Variants in GPBP1 observed in about 807,000 individuals in gnomAD.
The protein encoded by GPBP1 is vasculin.
In GPBP1, 13 loss-of-function variants were observed where a neutral mutation model predicts 56.5. The observed-to-expected ratio is 0.23, with a 90% CI of 0.15 to 0.37. GPBP1 has a LOEUF of 0.37. GPBP1 is among the 10% of genes least tolerant of loss of function. GPBP1 has a pLI of 1.00. For missense variants in GPBP1, 477 were observed against 572.3 expected (o/e 0.83, Z 1.70); for synonymous variants, 204 against 188.9 (o/e 1.08, Z -0.66).
At chr5:57,243,044 C>T (rs1032322885) in intron 6 of GPBP1, among the ~76,000 whole-genome samples, 6 of 150,370 alleles carry the variant, frequency 4.0e-5, no homozygotes, top group Non-Finnish European at 3.0e-5. Flanking sequence ...CCACTGCGCC[C>T]GGCCTAATAT....
chr5:57,238,410 T>C (rs1433007498), intron 6 of GPBP1, among the ~76,000 whole-genome samples: 2 of 152,018 alleles, frequency 1.3e-5, no homozygotes, highest in Non-Finnish European at 2.9e-5. Flanking sequence ...AATAAAGAAT[T>C]AGCCGGGTGT....
chr5:57,220,051 C>CAAA (rs34443889), intron 3 of GPBP1, among the ~76,000 whole-genome samples: 1 of 80,056 alleles, frequency 1.2e-5, no homozygotes. Flanking sequence ...GACCCTGTCT[C>CAAA]AAAAAAAAAA....
chr5:57,182,247 C>T (rs966258267), intron 2 of GPBP1, among the ~76,000 whole-genome samples: 2 of 152,006 alleles, frequency 1.3e-5, no homozygotes, highest in Admixed American at 6.6e-5. Context: ...TCAGGCCTGG[C>T]TAAGTTTTGT....
chr5:57,216,869 T>TTTTTTTTTTGGAACGC (rs1491547287), intron 3 of GPBP1, among the ~76,000 whole-genome samples: 1 of 11,380 alleles, frequency 8.8e-5, no homozygotes, highest in Non-Finnish European at 1.6e-4. Context: ...TCTGGAACGC[T>TTTTTTTTTTGGAACGC]TTTTTTTTTT....
At chr5:57,235,802 A>G (rs181460563) in intron 5 of GPBP1, among the ~76,000 whole-genome samples, 164 bp from the exon 6 acceptor site, 219 of 152,308 alleles carry the variant, frequency 1.4e-3, no homozygotes, top group African/African-American at 5.1e-3. Flanking sequence ...TGACACTGGC[A>G]CTCAAAAAGT....
intron 2 of GPBP1, among the ~76,000 whole-genome samples, chr5:57,213,822 T>G (rs1561343794): frequency 6.6e-6 from 1 of 152,224 alleles, no homozygotes; most frequent in Non-Finnish European, 1.5e-5. Context: ...AATTTGAGGT[T>G]TGACAAATGT....
chr5:57,213,232 G>A (rs1464454883), intron 2 of GPBP1, among the ~76,000 whole-genome samples: 2 of 151,844 alleles, frequency 1.3e-5, no homozygotes, highest in Admixed American at 6.6e-5. Flanking sequence ...TTTTATTTTA[G>A]TAGAGATGGG....
intron 3 of GPBP1, among the ~76,000 whole-genome samples, chr5:57,222,548 C>T (rs578004313): frequency 1.4e-4 from 21 of 151,968 alleles, no homozygotes; most frequent in Non-Finnish European, 2.8e-4. Context: ...AGGATACCAT[C>T]TCTAGTATCT....
chr5:57,253,770 C>T (rs1213404064), intron 10 of GPBP1, among the ~76,000 whole-genome samples: 2 of 151,088 alleles, frequency 1.3e-5, no homozygotes, highest in Non-Finnish European at 2.9e-5. Flanking sequence ...TGGCTGCCCC[C>T]TTAAAAACAA....
intron 10 of GPBP1, among the ~76,000 whole-genome samples, chr5:57,255,730 C>A (rs1741628200): frequency 6.6e-6 from 1 of 152,126 alleles, no homozygotes; most frequent in Non-Finnish European, 1.5e-5. Context: ...TTGGCCCATA[C>A]CTTTAGAAAA....
chr5:57,191,622 T>C (rs1420731093), intron 2 of GPBP1, among the ~76,000 whole-genome samples: 1 of 151,146 alleles, frequency 6.6e-6, no homozygotes, highest in Non-Finnish European at 1.5e-5. Flanking sequence ...AGTGCAGTGG[T>C]GCGATCTCAG....
At chr5:57,212,671 T>C (rs1468037562) in intron 2 of GPBP1, among the ~76,000 whole-genome samples, 1 of 150,554 alleles carries the variant, frequency 6.6e-6, no homozygotes, top group Non-Finnish European at 1.5e-5. Context: ...TTTCTTTTTT[T>C]CTTTTTTTTT....
chr5:57,240,624 C>CT (rs1408861577), intron 6 of GPBP1, among the ~76,000 whole-genome samples: 8 of 152,116 alleles, frequency 5.3e-5, no homozygotes, highest in Non-Finnish European at 1.5e-5. Flanking sequence ...ATTGCTTAAT[C>CT]TGAGTGAATT....
intron 2 of GPBP1, among the ~76,000 whole-genome samples, chr5:57,189,311 G>A (rs1027118139): frequency 1.3e-5 from 2 of 152,212 alleles, no homozygotes; most frequent in African/African-American, 2.4e-5. Flanking sequence ...TAGAGACGGG[G>A]CTTTGTCATG....
intron 10 of GPBP1, among the ~76,000 whole-genome samples, chr5:57,252,950 C>A (rs1417145292): frequency 6.6e-6 from 1 of 152,084 alleles, no homozygotes. Flanking sequence ...CTCAAGTGAT[C>A]CACCTGCCTC....
chr5:57,179,193 A>G (rs1753929461), intron 2 of GPBP1, among the ~76,000 whole-genome samples: 4 of 152,216 alleles, frequency 2.6e-5, no homozygotes, highest in African/African-American at 4.8e-5. Context: ...CATTTATTTG[A>G]ACATTATCTT....
At chr5:57,183,534 T>C (rs1754153259) in intron 2 of GPBP1, among the ~76,000 whole-genome samples, 1 of 152,086 alleles carries the variant, frequency 6.6e-6, no homozygotes, top group Non-Finnish European at 1.5e-5. Flanking sequence ...TCCCAGCTAC[T>C]TGGGAGGCTG....
At chr5:57,232,832 A>G (rs903349261) in intron 5 of GPBP1, among the ~76,000 whole-genome samples, 10 of 152,220 alleles carry the variant, frequency 6.6e-5, no homozygotes, top group Admixed American at 3.9e-4. Flanking sequence ...TTCAAGTGCT[A>G]TTTATTTACG....
intron 10 of GPBP1, among the ~76,000 whole-genome samples, chr5:57,253,961 A>T (rs1045615609): frequency 1.3e-5 from 2 of 151,956 alleles, no homozygotes; most frequent in Admixed American, 6.6e-5. Context: ...TTTTTGAGGC[A>T]GGGTCTTATT....
Sources: allele counts gnomAD v4.1 joint callset (sites outside exome capture counted in the v4.1 genomes callset), GRCh38; gene constraint gnomAD v4.1.1; transcripts MANE v1.5; gene names NCBI Gene and HGNC (gene_info 2026-07-23, HGNC 2026-07-21).